TRIM58: variants seen among roughly 807,000 people sequenced by gnomAD.
The protein encoded by TRIM58 is tripartite motif containing 58.
Under a neutral mutation model 34.1 loss-of-function variants are expected in TRIM58, and 38 were observed. The observed-to-expected ratio is 1.12, with a 90% CI of 0.86 to 1.46. The LOEUF is 1.46. Ranked by LOEUF, TRIM58 falls within the 40% of genes most tolerant of loss-of-function variation. The pLI, the probability that TRIM58 is intolerant of heterozygous loss-of-function variation, is 0.00. For synonymous variants in TRIM58, 273 were observed against 275.7 expected, an observed-to-expected ratio of 0.99 and a Z score of 0.10; for missense variants, 677 against 642.0, an observed-to-expected ratio of 1.05 and a Z score of -0.59.
intron 5 of TRIM58, among the ~76,000 whole-genome samples, chr1:247,869,942 G>A (rs1445563725): frequency 6.6e-6 from 1 of 152,176 alleles, no homozygotes; most frequent in East Asian, 1.9e-4. Flanking sequence ...AGGTGTGGAT[G>A]ATTTTAGGGA....
chr1:247,870,999 T>G (rs111603617), intron 5 of TRIM58, among the ~76,000 whole-genome samples: 25 of 134,832 alleles, frequency 1.9e-4, no homozygotes, highest in South Asian at 5.1e-4. Context: ...CGGCCACCCA[T>G]AGAGCCTGCA....
rs189094570 is a variant in TRIM58, at chr1:247,876,144, A to G, written c.1116A>G (p.Glu372=). ...VCQDTLPRKG[E]TTPSPENGVW... is the part of the protein sequence containing the mutation. ...AAGACACACTGCCAAGAAAGGGGGA[A>G]ACCACGCCATCTCCTGAGAATGGGG... The change falls in exon 6 of 6, where the codon GAA becomes GAG. Residue 372 remains glutamate, a synonymous_variant. Coordinates refer to ENST00000366481, the MANE Select transcript of TRIM58 (RefSeq NM_015431.4). 49 of 1,614,172 alleles carry G rather than the reference A, an allele frequency of 3.0e-5. No homozygotes were observed. In the Admixed American group the frequency reaches 4.7e-4, roughly 15 times the overall value.
chr1:247,868,207 C>T, intron 5 of TRIM58, 144 bp downstream of exon 5: 1 of 650,518 alleles, frequency 1.5e-6, no homozygotes, highest in Non-Finnish European at 2.7e-6. Context: ...GCTGCAGTGA[C>T]CAACAGAACC....
chr1:247,859,450 G>C (rs1663727634), intron 1 of TRIM58, among the ~76,000 whole-genome samples: 1 of 152,106 alleles, frequency 6.6e-6, no homozygotes, highest in South Asian at 2.1e-4. Flanking sequence ...TGATGTGTAT[G>C]TAGGATTTAT....
rs1491485761 is a variant in TRIM58, at chr1:247,876,990, T to TC, written c.*501_*502insC. 103 of 157,116 alleles carry TC rather than the reference T, an allele frequency of 6.6e-4. No individual in the cohort carries two copies. The highest frequency in any genetic ancestry group is 1.1e-3 in the Admixed American group (18 of 16,194). 9.7% of individuals were successfully genotyped at this position (157,116 alleles called of 1,614,324 possible). A position where few individuals can be genotyped will look rare whatever the true frequency, so the allele number is the denominator to read the frequency against. On this transcript the variant is annotated 3_prime_UTR_variant, in exon 6 of 6. Coordinates refer to ENST00000366481, the MANE Select transcript of TRIM58 (RefSeq NM_015431.4). The stretch of plus-strand genomic sequence containing the variant: ...CTCTCTCCCTGTCACTCTCTCTCTC[T>TC]TGTTCCTTATTTTTTGTTTCTTACC...
intron 2 of TRIM58, 123 bp downstream of exon 2, chr1:247,860,835 C>A: frequency 1.5e-6 from 1 of 688,268 alleles, no homozygotes; most frequent in South Asian, 1.9e-5. Context: ...TGCCCAAGAG[C>A]ACCTCAGAGC....
chr1:247,860,730 C>CT lies in TRIM58; in HGVS notation c.516+21dup, dbSNP rs1663772069. On this transcript the variant is annotated intron_variant, in intron 2 of 5. Coordinates refer to ENST00000366481, the MANE Select transcript of TRIM58 (RefSeq NM_015431.4). ...TTTGGAAGGTAAGACCATGTTGGGG[C>CT]TTTAGGAGGCTTGCCTGTTTGAAGG... The CT allele has an allele frequency of 6.4e-7, 1 of 1,571,370 alleles. No homozygotes were observed. The highest frequency in any genetic ancestry group is 8.8e-7 in the Non-Finnish European group (1 of 1,141,764).
intron 5 of TRIM58, among the ~76,000 whole-genome samples, chr1:247,873,208 CA>C (rs753870581): frequency 1.1e-4 from 16 of 152,012 alleles, no homozygotes; most frequent in Non-Finnish European, 2.2e-4. Flanking sequence ...CCAGCCTGGG[CA>C]ACAAGAGCAA....
chr1:247,871,794 T>C (rs1215848737), intron 5 of TRIM58, among the ~76,000 whole-genome samples: 1 of 152,228 alleles, frequency 6.6e-6, no homozygotes, highest in Non-Finnish European at 1.5e-5. Flanking sequence ...ATCCGTAGCT[T>C]TGTGTTGCAG....
intron 1 of TRIM58, among the ~76,000 whole-genome samples, chr1:247,858,548 T>TTTTA (rs1014359989): frequency 1.3e-5 from 2 of 152,130 alleles, no homozygotes; most frequent in Non-Finnish European, 2.9e-5. Context: ...TTCTTAAAAT[T>TTTTA]TTTATTTATT....
chr1:247,864,666 G>A, intron 2 of TRIM58, 39 bp from the exon 3 acceptor site: 1 of 1,603,910 alleles, frequency 6.2e-7, no homozygotes, highest in African/African-American at 1.3e-5. Flanking sequence ...GGCTGCTGGA[G>A]GCCAAGCACT....
At chr1:247,865,479 C>G (rs1663897812) in intron 3 of TRIM58, among the ~76,000 whole-genome samples, 1 of 152,166 alleles carries the variant, frequency 6.6e-6, no homozygotes, top group Non-Finnish European at 1.5e-5. Context: ...TTCAGTGTCA[C>G]TGGCCAGAAG....
chr1:247,875,092 C>G (rs1182448822), intron 5 of TRIM58, among the ~76,000 whole-genome samples: 1 of 152,016 alleles, frequency 6.6e-6, no homozygotes, highest in African/African-American at 2.4e-5. Flanking sequence ...AACCCAATAG[C>G]CAGAGAAAAC....
rs1273624590 is a variant in TRIM58, at chr1:247,879,837, A to G, written c.*3348A>G. 6.6e-6 allele frequency among the ~76,000 whole-genome samples: 1 copy of G among 151,402 alleles called. No homozygotes were observed. The highest frequency in any genetic ancestry group is 1.5e-5 in the Non-Finnish European group (1 of 67,904). On this transcript the variant is annotated 3_prime_UTR_variant, in exon 6 of 6. Coordinates refer to ENST00000366481, the MANE Select transcript of TRIM58 (RefSeq NM_015431.4). ...AGATCCAGCTTCTCAGTGATACCAC[A>G]CAGCCCTACTCCCCCCAGAGCCCAT...
intron 2 of TRIM58, among the ~76,000 whole-genome samples, chr1:247,861,488 C>T (rs1195888708): frequency 1.3e-5 from 2 of 152,068 alleles, no homozygotes; most frequent in Admixed American, 1.3e-4. Context: ...ATGATCTGTT[C>T]AAGATGTCAG....
In TRIM58 at chr1:247,876,823, A is replaced by G. The variant is rs1659302373; in HGVS notation, c.*334A>G. On this transcript the variant is annotated 3_prime_UTR_variant, in exon 6 of 6. Transcript: ENST00000366481. ...ATTCCTTTCAATATCCTTGTATTTC[A>G]AATCTTCCATATAAGAATTAGACAT... The G allele has an allele frequency of 3.0e-5, 8 of 263,098 alleles. No individual in the cohort carries two copies. In the South Asian group the frequency reaches 4.6e-4, roughly 15 times the overall value. The allele number at this position is 263,098 out of a possible 1,614,324, so 16.3% of individuals were successfully genotyped here. A position where few individuals can be genotyped will look rare whatever the true frequency, so the allele number is the denominator to read the frequency against.
At chr1:247,861,982 G>T (rs1186550588) in intron 2 of TRIM58, among the ~76,000 whole-genome samples, 1 of 152,082 alleles carries the variant, frequency 6.6e-6, no homozygotes, top group Non-Finnish European at 1.5e-5. Flanking sequence ...AAAAAAATTA[G>T]CCAGGCGTGG....
intron 1 of TRIM58, among the ~76,000 whole-genome samples, chr1:247,859,166 C>G (rs1451733219): frequency 6.6e-6 from 1 of 152,108 alleles, no homozygotes; most frequent in Non-Finnish European, 1.5e-5. Flanking sequence ...TTCTAGGGCC[C>G]TAAGTTATGT....
At chr1:247,860,443 G>C (rs1246982281) in intron 1 of TRIM58, among the ~76,000 whole-genome samples, 174 bp from the exon 2 acceptor site, 1 of 152,134 alleles carries the variant, frequency 6.6e-6, no homozygotes, top group Non-Finnish European at 1.5e-5. Flanking sequence ...GAGTGACAGA[G>C]CGAGACCCTG....
Sources: gnomAD v4.1 joint callset for allele counts (sites outside exome capture counted in the v4.1 genomes callset) on GRCh38, gnomAD v4.1.1 for gene constraint, MANE v1.5 for transcripts, NCBI Gene and HGNC (gene_info 2026-07-23, HGNC 2026-07-21) for gene names.